KLRG2: variants seen among roughly 807,000 people sequenced by gnomAD.
KLRG2 encodes the protein killer cell lectin like receptor G2, also known as killer cell lectin-like receptor subfamily G member 2.
A neutral mutation model predicts 35.4 loss-of-function variants in KLRG2; 39 were observed. The ratio of observed to expected loss-of-function variants is 1.10; its 90% CI spans 0.85 to 1.44. KLRG2 has a LOEUF of 1.44. Among genes scored for constraint, KLRG2 ranks in the 40% most tolerant of loss-of-function variants. The pLI is 0.00. For missense variants in KLRG2, 632 were observed against 570.9 expected (o/e 1.11, Z -1.09); for synonymous variants, 283 against 265.8 (o/e 1.06, Z -0.63).
At chr7:139,478,893 A>C (rs141152195) in intron 3 of KLRG2, among the ~76,000 whole-genome samples, 2,083 of 152,018 alleles carry the variant, frequency 0.014, 56 homozygotes, top group African/African-American at 0.048. Flanking sequence ...AGCCAAGCCC[A>C]GCCTATCAAA....
At position 139,477,884 on chromosome 7, in the gene KLRG2, G is replaced by A. The variant is rs184387534; in HGVS notation, c.1005+1743C>T. 5.0e-3 allele frequency among the ~76,000 whole-genome samples: 767 copies of A among 152,056 alleles called. 6 individuals are homozygous for A. The highest frequency in any genetic ancestry group is 6.2e-3 in the Non-Finnish European group (424 of 67,956). On this transcript the variant is annotated intron_variant, in intron 3 of 4. Transcript: ENST00000340940. ...TGCCATTCTCCTGCCTCAGCCTCTG[G>A]AGTAGCTGGGACTACAGGCGCCCGC... is the stretch of plus-strand genomic sequence containing the variant.
intron 3 of KLRG2, among the ~76,000 whole-genome samples, chr7:139,460,746 G>A (rs1447502978): frequency 2.0e-5 from 3 of 152,008 alleles, no homozygotes; most frequent in Non-Finnish European, 4.4e-5. Flanking sequence ...ATCACTTGAT[G>A]TCACGAGTTT....
intron 1 of KLRG2, among the ~76,000 whole-genome samples, chr7:139,482,059 A>C (rs147575190): frequency 5.3e-5 from 8 of 152,028 alleles, no homozygotes; most frequent in Non-Finnish European, 1.0e-4. Context: ...CTTCTGTGTC[A>C]AGCTCCCCCT....
At chr7:139,445,797 G>GTGTATATATATATATATATATGTA in the KLRG2 span, among the ~76,000 whole-genome samples, 516 of 97,424 alleles carry the variant, frequency 5.3e-3, 4 homozygotes, top group Non-Finnish European at 6.9e-3. Flanking sequence ...ATATATGTGT[G>GTGTATATATATATATATATATGTA]TATATATATA....
At chr7:139,454,777 C>T (rs1299908131) in intron 3 of KLRG2, among the ~76,000 whole-genome samples, 2 of 151,054 alleles carry the variant, frequency 1.3e-5, no homozygotes, top group Non-Finnish European at 2.9e-5. Context: ...GATTGCGCCA[C>T]TGCATTCCAG....
At chr7:139,442,750 G>C in the KLRG2 span, among the ~76,000 whole-genome samples, 1 of 152,138 alleles carries the variant, frequency 6.6e-6, no homozygotes, top group African/African-American at 2.4e-5. Flanking sequence ...AGGAGGCTGA[G>C]CCCAGGAGGC....
intron 3 of KLRG2, among the ~76,000 whole-genome samples, chr7:139,467,061 T>C (rs941229899): frequency 6.6e-6 from 1 of 152,156 alleles, no homozygotes; most frequent in Non-Finnish European, 1.5e-5. Context: ...AAACATTCTA[T>C]GGGACAAATA....
downstream of KLRG2, among the ~76,000 whole-genome samples, chr7:139,452,348 T>C (rs1249315571): frequency 1.3e-5 from 2 of 152,154 alleles, no homozygotes; most frequent in Non-Finnish European, 2.9e-5. Context: ...ATTTCTAATG[T>C]AGATGACAAG....
downstream of KLRG2, among the ~76,000 whole-genome samples, chr7:139,448,209 T>C (rs998268601): frequency 2.0e-5 from 3 of 152,094 alleles, no homozygotes; most frequent in African/African-American, 7.2e-5. Context: ...TTGTCCAGGC[T>C]GGTCTCAAAC....
rs140064361 is a variant in KLRG2, at chr7:139,480,949, G to T, written c.758-702C>A. 1.5e-3 allele frequency among the ~76,000 whole-genome samples: 231 copies of T among 151,738 alleles called. 7 individuals are homozygous for T. In the East Asian group the frequency reaches 0.023, roughly 15 times the overall value. ...AGTAGAGATGGGGTTTGACGATGTT[G>T]GTCAGGCTGGTCTTGAACTCCTGAC... On this transcript the variant is annotated intron_variant, in intron 1 of 4. Transcript: ENST00000340940.
chr7:139,464,941 C>T (rs930028294), intron 3 of KLRG2, among the ~76,000 whole-genome samples: 3 of 152,252 alleles, frequency 2.0e-5, no homozygotes, highest in Non-Finnish European at 4.4e-5. Context: ...TTTGTTGAGT[C>T]TCCCACAATT....
At chr7:139,451,173 G>A (rs1454755716), downstream of KLRG2, among the ~76,000 whole-genome samples, 1 of 152,142 alleles carries the variant, frequency 6.6e-6, no homozygotes, top group Non-Finnish European at 1.5e-5. Context: ...AGTTGTCTGG[G>A]GCAAATAGTT....
chr7:139,481,694 C>A (rs984610502), intron 1 of KLRG2, among the ~76,000 whole-genome samples: 1 of 152,108 alleles, frequency 6.6e-6, no homozygotes, highest in Non-Finnish European at 1.5e-5. Context: ...GAGGCTGAGG[C>A]GGCTGGATCA....
At chr7:139,451,633 T>C (rs988156891), downstream of KLRG2, among the ~76,000 whole-genome samples, 8 of 152,180 alleles carry the variant, frequency 5.3e-5, no homozygotes, top group Non-Finnish European at 8.8e-5. Context: ...CACTAATACC[T>C]TTCTAGATTC....
chr7:139,451,966 CTTTT>C (rs58186917), downstream of KLRG2, among the ~76,000 whole-genome samples: 17 of 117,212 alleles, frequency 1.5e-4, no homozygotes, highest in Non-Finnish European at 3.4e-5. Flanking sequence ...TTTCCATGTC[CTTTT>C]TTTTTTTTTT....
the KLRG2 span, among the ~76,000 whole-genome samples, chr7:139,433,500 T>C: frequency 2.0e-5 from 3 of 152,076 alleles, no homozygotes; most frequent in Non-Finnish European, 4.4e-5. Flanking sequence ...TAATTTTGTA[T>C]TTTTTAGTAG....
chr7:139,470,847 T>C (rs1585172714), intron 3 of KLRG2, among the ~76,000 whole-genome samples: 1 of 151,994 alleles, frequency 6.6e-6, no homozygotes, highest in East Asian at 1.9e-4. Context: ...ATTCCTTTTT[T>C]TTTTTTTTAA....
At chr7:139,441,226 TG>T in the KLRG2 span, among the ~76,000 whole-genome samples, 1 of 152,212 alleles carries the variant, frequency 6.6e-6, no homozygotes, top group Non-Finnish European at 1.5e-5. Context: ...CCAACCCAAA[TG>T]TCTATCAATA....
the KLRG2 span, among the ~76,000 whole-genome samples, chr7:139,427,561 AC>A: frequency 1.3e-5 from 2 of 152,186 alleles, no homozygotes; most frequent in Admixed American, 1.3e-4. Context: ...GCTGTTGGCT[AC>A]CTGTAAAAGA....
Sources: allele counts gnomAD v4.1 joint callset (sites outside exome capture counted in the v4.1 genomes callset), GRCh38; gene constraint gnomAD v4.1.1; transcripts MANE v1.5; gene names NCBI Gene and HGNC (gene_info 2026-07-23, HGNC 2026-07-21).